ARHGAP15: variants seen among roughly 807,000 people sequenced by gnomAD.
ARHGAP15 encodes the protein rho GTPase-activating protein 15.
A neutral mutation model predicts 63.7 loss-of-function variants in ARHGAP15; 51 were observed. The observed-to-expected ratio is 0.80, with a 90% CI of 0.64 to 1.01. The LOEUF (loss-of-function observed/expected upper bound fraction) is 1.01. Ranked by LOEUF, ARHGAP15 falls within the 50% of genes least tolerant of loss-of-function variation. The pLI is 0.00. For missense variants in ARHGAP15, 560 were observed against 564.6 expected, an observed-to-expected ratio of 0.99 and a Z score of 0.08; for synonymous variants, 191 against 193.8, an observed-to-expected ratio of 0.99 and a Z score of 0.12.
intron 11 of ARHGAP15, among the ~76,000 whole-genome samples, chr2:143,601,007 G>A (rs895787374): frequency 2.7e-5 from 4 of 150,452 alleles, no homozygotes; most frequent in Non-Finnish European, 4.4e-5. Context: ...AGCCAGATTT[G>A]GTCACAGGCC....
At chr2:143,198,307 A>G (rs975182507) in intron 2 of ARHGAP15, among the ~76,000 whole-genome samples, 1 of 152,016 alleles carries the variant, frequency 6.6e-6, no homozygotes, top group Admixed American at 6.6e-5. Context: ...CCATGGACTC[A>G]ATGGGCCCCT....
At chr2:143,296,624 G>T (rs1271319516) in intron 6 of ARHGAP15, among the ~76,000 whole-genome samples, 1 of 151,928 alleles carries the variant, frequency 6.6e-6, no homozygotes, top group Non-Finnish European at 1.5e-5. Context: ...GGTCTTACCA[G>T]CTCTGATTTT....
chr2:143,648,175 G>A (rs958263807), intron 12 of ARHGAP15, among the ~76,000 whole-genome samples: 1 of 152,000 alleles, frequency 6.6e-6, no homozygotes, highest in Non-Finnish European at 1.5e-5. Flanking sequence ...CTAATGCTTA[G>A]CTGGTTTCTT....
chr2:143,593,248 A>G (rs1303144944), intron 11 of ARHGAP15: 1 of 152,120 alleles, frequency 6.6e-6, no homozygotes, highest in Admixed American at 6.5e-5. Flanking sequence ...CTTGTTGGAC[A>G]CCTACCTGTC....
At chr2:143,478,297 A>G (rs1691916967) in intron 8 of ARHGAP15, among the ~76,000 whole-genome samples, 2 of 152,126 alleles carry the variant, frequency 1.3e-5, no homozygotes, top group Non-Finnish European at 2.9e-5. Context: ...CACTCATCTT[A>G]CCTAAGATGA....
At chr2:143,409,113 C>T (rs896171701) in intron 6 of ARHGAP15, among the ~76,000 whole-genome samples, 6 of 151,860 alleles carry the variant, frequency 4.0e-5, no homozygotes, top group Non-Finnish European at 7.4e-5. Flanking sequence ...AATATATTAC[C>T]TGGCTACCTA....
intron 11 of ARHGAP15, among the ~76,000 whole-genome samples, chr2:143,580,725 C>G (rs553961403): frequency 6.6e-6 from 1 of 151,974 alleles, no homozygotes; most frequent in South Asian, 2.1e-4. Context: ...TGTATCATTA[C>G]AAATATATTG....
At chr2:143,200,179 A>C (rs1692053277) in intron 2 of ARHGAP15, among the ~76,000 whole-genome samples, 1 of 152,028 alleles carries the variant, frequency 6.6e-6, no homozygotes, top group Non-Finnish European at 1.5e-5. Context: ...CCCCATGGCC[A>C]CTGTTCTCCA....
intron 10 of ARHGAP15, among the ~76,000 whole-genome samples, chr2:143,530,359 G>A (rs920419865): frequency 1.3e-5 from 2 of 152,088 alleles, no homozygotes; most frequent in African/African-American, 4.8e-5. Flanking sequence ...TGACCTTTGT[G>A]TCCAATACAG....
intron 10 of ARHGAP15, 160 bp downstream of exon 10, chr2:143,519,524 T>A (rs1311375762): frequency 2.0e-6 from 1 of 497,588 alleles, no homozygotes; most frequent in Non-Finnish European, 3.7e-6. Context: ...TAACTTCAGT[T>A]TGTTTTTACA....
intron 6 of ARHGAP15, among the ~76,000 whole-genome samples, chr2:143,262,712 G>C (rs971964925): frequency 1.3e-5 from 2 of 151,788 alleles, no homozygotes; most frequent in Non-Finnish European, 2.9e-5. Flanking sequence ...ATTATAATTA[G>C]GGTCAGCTAT....
intron 9 of ARHGAP15, among the ~76,000 whole-genome samples, chr2:143,510,188 G>A (rs537830432): frequency 3.3e-5 from 5 of 152,182 alleles, no homozygotes; most frequent in African/African-American, 7.2e-5. Context: ...TTTGGAATAC[G>A]ATTTTGTCTT....
chr2:143,612,604 AG>A (rs1698299278), intron 11 of ARHGAP15, among the ~76,000 whole-genome samples: 1 of 152,214 alleles, frequency 6.6e-6, no homozygotes, highest in Non-Finnish European at 1.5e-5. Context: ...TCAACCACAG[AG>A]GCGAGGCTCA....
At chr2:143,641,622 A>G (rs916881359) in intron 12 of ARHGAP15, among the ~76,000 whole-genome samples, 6 of 152,134 alleles carry the variant, frequency 3.9e-5, no homozygotes, top group Admixed American at 3.9e-4. Flanking sequence ...GCTTAATGAA[A>G]GATGCAATTT....
At chr2:143,345,986 T>A (rs1335297192) in intron 6 of ARHGAP15, among the ~76,000 whole-genome samples, 4 of 152,026 alleles carry the variant, frequency 2.6e-5, no homozygotes, top group Non-Finnish European at 5.9e-5. Flanking sequence ...GTTGCCTAAT[T>A]CTTATAACTT....
intron 4 of ARHGAP15, among the ~76,000 whole-genome samples, chr2:143,221,687 G>A (rs1693003387): frequency 6.6e-6 from 1 of 152,052 alleles, no homozygotes; most frequent in African/African-American, 2.4e-5. Context: ...CTTCTCCCTC[G>A]GCATCTAGGT....
At chr2:143,452,447 C>T (rs529160159) in intron 8 of ARHGAP15, among the ~76,000 whole-genome samples, 25 of 151,964 alleles carry the variant, frequency 1.6e-4, no homozygotes, top group African/African-American at 5.8e-4. Flanking sequence ...GGGATCTTAA[C>T]GGATGGAAGC....
chr2:143,559,507 C>T (rs978845002), intron 11 of ARHGAP15, among the ~76,000 whole-genome samples: 1 of 152,174 alleles, frequency 6.6e-6, no homozygotes, highest in Non-Finnish European at 1.5e-5. Flanking sequence ...ACCTTTGATA[C>T]TGGTAACTTT....
chr2:143,312,032 G>A (rs1683471923), intron 6 of ARHGAP15, among the ~76,000 whole-genome samples: 1 of 152,030 alleles, frequency 6.6e-6, no homozygotes, highest in South Asian at 2.1e-4. Flanking sequence ...GGAGTTAAGG[G>A]TATAATGTAT....
Sources: allele counts gnomAD v4.1 joint callset (sites outside exome capture counted in the v4.1 genomes callset), GRCh38; gene constraint gnomAD v4.1.1; transcripts MANE v1.5; gene names NCBI Gene and HGNC (gene_info 2026-07-23, HGNC 2026-07-21).